NUBP1: variants seen among roughly 807,000 people sequenced by gnomAD.
The protein encoded by NUBP1 is cytosolic Fe-S cluster assembly factor NUBP1.
NUBP1 carries 46 observed loss-of-function variants against 41.8 expected under a neutral mutation model. That is an observed-to-expected ratio of 1.10 (90% CI 0.87 to 1.41). The LOEUF (loss-of-function observed/expected upper bound fraction) is 1.41, where lower values mean the gene tolerates loss of function less well. Ranked by LOEUF, NUBP1 falls within the 40% of genes most tolerant of loss-of-function variation. The probability of loss-of-function intolerance (pLI) is 0.00; values close to 1 mark genes in which losing one functional copy is unlikely to be tolerated. For missense variants in NUBP1, 494 were observed against 414.0 expected (o/e 1.19, Z -1.68); for synonymous variants, 189 against 154.6 (o/e 1.22, Z -1.65).
intron 2 of NUBP1, among the ~76,000 whole-genome samples, chr16:10,746,510 G>A (rs1257827318): frequency 6.6e-6 from 1 of 152,224 alleles, no homozygotes; most frequent in Admixed American, 6.5e-5. Context: ...GGAGGCCAAG[G>A]TGGGTGGATC....
At chr16:10,762,300 G>C (rs1437544256) in intron 9 of NUBP1, among the ~76,000 whole-genome samples, 1 of 152,212 alleles carries the variant, frequency 6.6e-6, no homozygotes, top group Non-Finnish European at 1.5e-5. Flanking sequence ...TCCAGCACCG[G>C]GACAGACCGG....
chr16:10,747,204 GA>G lies in NUBP1; in HGVS notation c.189del (p.Gly64AlafsTer16). ...AACACAAAATCTTGGTATTGTCTGG[GA>G]AAGGCGGTGTTGGGAAAAGCACATT... Reference protein sequence around the residue: ...VKHKILVLSGKGGVGKSTFSA... With the variant: ...VKHKILVLSGXGGVGKSTFSA... On this transcript the variant is annotated frameshift_variant, in exon 3 of 11. Transcript: ENST00000283027. LOFTEE classifies it high-confidence loss of function. 6.2e-7 allele frequency: 1 copy of G among 1,614,150 alleles called. No individual in the cohort carries two copies. The highest frequency in any genetic ancestry group is 8.5e-7 in the Non-Finnish European group (1 of 1,179,986).
rs762108296 is a variant in NUBP1, at chr16:10,761,909, A to G, written c.820+50A>G. The G allele has an allele frequency of 1.8e-5, 26 of 1,450,868 alleles. No homozygotes were observed. The Admixed American group carries it at 3.0e-4, about 17-fold the overall frequency. 89.9% of individuals were successfully genotyped at this position (1,450,868 alleles called of 1,614,324 possible). A position where few individuals can be genotyped will look rare whatever the true frequency, so the allele number is the denominator to read the frequency against. On this transcript the variant is annotated intron_variant, in intron 9 of 10. Coordinates refer to ENST00000283027, the MANE Select transcript of NUBP1 (RefSeq NM_002484.4). The stretch of plus-strand genomic sequence containing the variant: ...CACCTCACTCCTCGGTCAGCCCCAC[A>G]GGCACGGGTCGGGCACAACAGGGGG...
intron 3 of NUBP1, among the ~76,000 whole-genome samples, chr16:10,750,192 T>C (rs972255511): frequency 2.6e-5 from 4 of 152,170 alleles, no homozygotes; most frequent in African/African-American, 9.6e-5. Context: ...AGTGAGACTC[T>C]ACCTCAAAAA....
intron 2 of NUBP1, among the ~76,000 whole-genome samples, chr16:10,746,380 G>A (rs1206164450): frequency 6.6e-6 from 1 of 152,158 alleles, no homozygotes; most frequent in Non-Finnish European, 1.5e-5. Flanking sequence ...CCTGTGCATT[G>A]TAGGACATTT....
intron 7 of NUBP1, among the ~76,000 whole-genome samples, chr16:10,760,735 T>TA (rs373845717): frequency 1.5e-4 from 23 of 148,830 alleles, no homozygotes; most frequent in African/African-American, 3.2e-4. Flanking sequence ...ATCCTGTCTC[T>TA]AAAAAAAAAA....
At position 10,759,283 on chromosome 16, in the gene NUBP1, T is replaced by C. The variant is rs1207678441; in HGVS notation, c.606+1256T>C. On this transcript the variant is annotated intron_variant, in intron 7 of 10. Coordinates refer to ENST00000283027, the MANE Select transcript of NUBP1 (RefSeq NM_002484.4). This position sits in a 1 kb window ranked among gnomAD's most constrained non-coding sequence, Gnocchi z 4.7. The stretch of plus-strand genomic sequence containing the variant: ...AATGGAGTGGCAGGCCCAGCGGCCA[T>C]GGGAAGGGTGTCCGGGTCAGAAAAT... 6.6e-6 allele frequency among the ~76,000 whole-genome samples: 1 copy of C among 151,978 alleles called. No homozygotes were observed. Among genetic ancestry groups the C allele is most frequent in the Non-Finnish European group, 1.5e-5 (1 of 68,010 alleles).
At chr16:10,753,244 C>T (rs1371334785) in intron 4 of NUBP1, among the ~76,000 whole-genome samples, 2 of 152,124 alleles carry the variant, frequency 1.3e-5, no homozygotes, top group African/African-American at 2.4e-5. Context: ...TTCGATGCCT[C>T]CTCAGAGGGG....
intron 4 of NUBP1, among the ~76,000 whole-genome samples, chr16:10,752,958 C>G (rs554906657): frequency 1.3e-5 from 2 of 152,230 alleles, no homozygotes; most frequent in African/African-American, 4.8e-5. Context: ...TCATGCCCAA[C>G]TAATTTTTGT....
chr16:10,752,807 G>T (rs566495881), intron 4 of NUBP1, 129 bp downstream of exon 4: 4 of 806,362 alleles, frequency 5.0e-6, no homozygotes, highest in South Asian at 4.7e-5. Flanking sequence ...TTGTTTTGTT[G>T]TTTTTGAGAC....
chr16:10,757,833 A>G lies in NUBP1; in HGVS notation c.452-40A>G, dbSNP rs1222272031. 1 of 1,595,002 alleles carries G rather than the reference A, an allele frequency of 6.3e-7. No homozygotes were observed. Among genetic ancestry groups the G allele is most frequent in the African/African-American group, 1.3e-5 (1 of 74,436 alleles). ...AGAGGGAGTTGAAAGTACAGAAAAG[A>G]AAGGAAAAGTAAGCATCCCCTGTGG... On this transcript the variant is annotated intron_variant, in intron 6 of 10. Transcript: ENST00000283027. The surrounding 1 kb of genome is among the most constrained non-coding windows in gnomAD (Gnocchi z 4.1).
rs1050023971 is a variant in NUBP1 at position 10,749,135 on chromosome 16, A to G, written c.258+1859A>G. Among the ~76,000 whole-genome samples, 3 of 135,802 alleles carry G rather than the reference A, an allele frequency of 2.2e-5. No individual in the cohort carries two copies. The highest frequency in any genetic ancestry group is 1.4e-4 in the Admixed American group (2 of 13,816). 89.1% of individuals were successfully genotyped at this position (135,802 alleles called of 152,430 possible). A position where few individuals can be genotyped will look rare whatever the true frequency, so the allele number is the denominator to read the frequency against. ...TAGATACACAGACACATACACACAC[A>G]CACACACACACACACACACACACAC... On this transcript the variant is annotated intron_variant, in intron 3 of 10. Coordinates refer to ENST00000283027, the MANE Select transcript of NUBP1 (RefSeq NM_002484.4). This position sits in a 1 kb window ranked among gnomAD's most constrained non-coding sequence, Gnocchi z 4.1.
chr16:10,767,858 A>G lies in NUBP1; in HGVS notation c.821-91A>G, dbSNP rs1023985879. The stretch of plus-strand genomic sequence containing the variant: ...AGTGAAGCGGGCTCAAGATCTTCCC[A>G]TTGTCACCAGCACGGAAAGAGCCCC... On this transcript the variant is annotated intron_variant, in intron 9 of 10. Transcript: ENST00000283027. This position sits in a 1 kb window ranked among gnomAD's most constrained non-coding sequence, Gnocchi z 4.6. The G allele has an allele frequency of 1.2e-5, 15 of 1,202,568 alleles. No homozygotes were observed. The highest frequency in any genetic ancestry group is 1.8e-5 in the Non-Finnish European group (15 of 810,960). 74.5% of individuals were successfully genotyped at this position (1,202,568 alleles called of 1,614,324 possible).
chr16:10,769,175 C>A lies in NUBP1; in HGVS notation c.*70C>A. 1.4e-6 allele frequency: 2 copies of A among 1,426,336 alleles called. No homozygotes were observed. Among genetic ancestry groups the A allele is most frequent in the Non-Finnish European group, 2.0e-6 (2 of 1,012,952 alleles). 88.4% of individuals were successfully genotyped at this position (1,426,336 alleles called of 1,614,324 possible). On this transcript the variant is annotated 3_prime_UTR_variant, in exon 11 of 11. Transcript: ENST00000283027. ...CACTGGGCAGCACATCCAGCCAGAC[C>A]CGACCAGCTCCGGGATGGGGTGGGT...
chr16:10,762,809 G>C (rs1335738800), intron 9 of NUBP1, among the ~76,000 whole-genome samples: 1 of 148,734 alleles, frequency 6.7e-6, no homozygotes, highest in Non-Finnish European at 1.5e-5. Flanking sequence ...GGTGGGGGCC[G>C]CGTGCTTGGG....
At chr16:10,753,256 A>T (rs1900405155) in intron 4 of NUBP1, among the ~76,000 whole-genome samples, 1 of 152,230 alleles carries the variant, frequency 6.6e-6, no homozygotes, top group South Asian at 2.1e-4. Context: ...TCAGAGGGGA[A>T]GGGAAACAGC....
intron 2 of NUBP1, 125 bp from the exon 3 acceptor site, chr16:10,747,018 G>A: frequency 9.3e-7 from 1 of 1,079,642 alleles, no homozygotes; most frequent in Non-Finnish European, 1.4e-6. Context: ...TATTTCAGAG[G>A]ATCGTTTTAA....
intron 3 of NUBP1, among the ~76,000 whole-genome samples, 163 bp downstream of exon 3, chr16:10,747,439 G>A (rs944815878): frequency 6.6e-6 from 1 of 152,244 alleles, no homozygotes; most frequent in Non-Finnish European, 1.5e-5. Flanking sequence ...TTTGAGATCA[G>A]CCTGGCCAAC....
rs1380946923 is a variant in NUBP1, at chr16:10,767,716, C to G, written c.821-233C>G. On this transcript the variant is annotated intron_variant, in intron 9 of 10. Transcript: ENST00000283027. This position sits in a 1 kb window ranked among gnomAD's most constrained non-coding sequence, Gnocchi z 4.6. ...TCAGTTCTCTGTAGGGCCCTGGAAC[C>G]TGCATTTTCTGTACACCACCTGATT... 2 of 567,784 alleles carry G rather than the reference C, an allele frequency of 3.5e-6. No individual in the cohort carries two copies. Among genetic ancestry groups the G allele is most frequent in the Non-Finnish European group, 6.3e-6 (2 of 318,644 alleles). 35.2% of individuals were successfully genotyped at this position (567,784 alleles called of 1,614,324 possible).
Sources: gnomAD v4.1 joint callset for allele counts (sites outside exome capture counted in the v4.1 genomes callset) on GRCh38, gnomAD v4.1.1 for gene constraint, Gnocchi (gnomAD v3.1) non-coding constraint, MANE v1.5 for transcripts, NCBI Gene and HGNC (gene_info 2026-07-23, HGNC 2026-07-21) for gene names.